Variants in DOCK3 observed in about 807,000 individuals in gnomAD.
The protein encoded by DOCK3 is dedicator of cytokinesis protein 3.
DOCK3 carries 60 observed loss-of-function variants against 265.6 expected under a neutral mutation model. That is an observed-to-expected ratio of 0.23 (90% confidence interval 0.18 to 0.28). The LOEUF is 0.28. Ranked by LOEUF, DOCK3 falls within the 10% of genes least tolerant of loss-of-function variation. The probability of loss-of-function intolerance (pLI) is 1.00; values close to 1 mark genes in which losing one functional copy is unlikely to be tolerated. For synonymous variants in DOCK3, 881 were observed against 938.0 expected (o/e 0.94, Z 1.11); for missense variants, 1,981 against 2,594.3 (o/e 0.76, Z 5.14).
intron 5 of DOCK3, among the ~76,000 whole-genome samples, chr3:51,013,256 C>T (rs1187729570): frequency 1.3e-5 from 2 of 152,180 alleles, no homozygotes; most frequent in East Asian, 1.9e-4. Context: ...TTTAGCCTTT[C>T]TGCTCTGGTT....
chr3:51,372,548 T>A (rs905730278), intron 49 of DOCK3, among the ~76,000 whole-genome samples: 1 of 152,106 alleles, frequency 6.6e-6, no homozygotes, highest in Non-Finnish European at 1.5e-5. Context: ...GGATATTGAG[T>A]ATGCAGATGT....
intron 23 of DOCK3, among the ~76,000 whole-genome samples, chr3:51,261,927 G>A (rs2101056): frequency 0.034 from 5,196 of 152,260 alleles, 701 homozygotes; most frequent in East Asian, 0.32. Context: ...GGGGCTTCTA[G>A]ATCCAACTCC....
chr3:50,991,605 C>T (rs2078107323), intron 5 of DOCK3, among the ~76,000 whole-genome samples: 1 of 152,140 alleles, frequency 6.6e-6, no homozygotes. Flanking sequence ...TATTTGAGAC[C>T]TACAAAGAGA....
chr3:50,866,171 C>G (rs949957213), intron 3 of DOCK3, among the ~76,000 whole-genome samples: 1 of 151,850 alleles, frequency 6.6e-6, no homozygotes, highest in Non-Finnish European at 1.5e-5. Flanking sequence ...TGTTGCCTGT[C>G]CTTTTGGGGC....
chr3:50,786,612 T>A, intron 2 of DOCK3: 1 of 569,878 alleles, frequency 1.8e-6, no homozygotes, highest in Non-Finnish European at 3.3e-6. Flanking sequence ...CAGAAAGTTG[T>A]CCGCACTCTG....
At chr3:51,200,147 C>T (rs550614762) in intron 12 of DOCK3, among the ~76,000 whole-genome samples, 6 of 152,164 alleles carry the variant, frequency 3.9e-5, no homozygotes, top group South Asian at 2.1e-4. Context: ...TTCAAAGGAT[C>T]GCAGTTCCTC....
intron 1 of DOCK3, among the ~76,000 whole-genome samples, chr3:50,716,772 C>T (rs971981138): frequency 4.6e-5 from 7 of 151,628 alleles, no homozygotes; most frequent in Non-Finnish European, 8.8e-5. Context: ...CTAATTCTGA[C>T]TTTTTTTAAA....
At chr3:50,776,644 G>T (rs1204924899) in intron 1 of DOCK3, among the ~76,000 whole-genome samples, 1 of 151,932 alleles carries the variant, frequency 6.6e-6, no homozygotes, top group Non-Finnish European at 1.5e-5. Context: ...GGGATTCTTT[G>T]CTTAAGCCAA....
At chr3:50,912,160 T>TA (rs1438744570) in intron 4 of DOCK3, among the ~76,000 whole-genome samples, 7 of 152,112 alleles carry the variant, frequency 4.6e-5, no homozygotes, top group African/African-American at 1.7e-4. Flanking sequence ...TGCCCTTTAT[T>TA]ACTTTCTCTT....
At chr3:51,351,800 G>T (rs1192602143) in intron 40 of DOCK3, among the ~76,000 whole-genome samples, 1 of 152,128 alleles carries the variant, frequency 6.6e-6, no homozygotes, top group Non-Finnish European at 1.5e-5. Context: ...GGGATTACAG[G>T]CATGCGCCAC....
chr3:50,984,852 A>G (rs1431237398), intron 5 of DOCK3, among the ~76,000 whole-genome samples: 1 of 152,252 alleles, frequency 6.6e-6, no homozygotes, highest in Middle Eastern at 3.2e-3. Flanking sequence ...AACTATTGAC[A>G]TAGCATTTAC....
At chr3:51,156,898 A>G (rs2085875869) in intron 10 of DOCK3, among the ~76,000 whole-genome samples, 1 of 152,194 alleles carries the variant, frequency 6.6e-6, no homozygotes, top group African/African-American at 2.4e-5. Flanking sequence ...TCACTTTGAA[A>G]TGTGTTGAAC....
intron 2 of DOCK3, among the ~76,000 whole-genome samples, chr3:50,838,486 G>C (rs992289161): frequency 7.2e-5 from 11 of 152,178 alleles, no homozygotes; most frequent in African/African-American, 2.7e-4. Flanking sequence ...ACTCTGATGT[G>C]TTCTTCAGTT....
chr3:50,968,334 G>C (rs535673407), intron 5 of DOCK3, among the ~76,000 whole-genome samples: 2 of 152,184 alleles, frequency 1.3e-5, no homozygotes, highest in South Asian at 4.2e-4. Flanking sequence ...GCCTACCTCT[G>C]TTTTTAAAAG....
At chr3:51,176,469 A>AAAT (rs2086959803) in intron 12 of DOCK3, among the ~76,000 whole-genome samples, 1 of 151,816 alleles carries the variant, frequency 6.6e-6, no homozygotes, top group Admixed American at 6.6e-5. Context: ...ATAAAAAAAA[A>AAAT]AAAAAAATTA....
At position 51,152,454 on chromosome 3, in the gene DOCK3, G is replaced by A. The variant is rs148688510; in HGVS notation, c.828+5824G>A. ...GGGTTTGAAGATCCTCCTTTAGCTC[G>A]GAGAAGTTTGTTATTACTGACCTTC... is the stretch of plus-strand genomic sequence containing the variant. On this transcript the variant is annotated intron_variant, in intron 10 of 52. Coordinates refer to ENST00000266037, the MANE Select transcript of DOCK3 (RefSeq NM_004947.5). Among the ~76,000 whole-genome samples the A allele has an allele frequency of 2.6e-3, 388 of 152,150 alleles. 1 individual carries two copies. Among genetic ancestry groups the A allele is most frequent in the Non-Finnish European group, 4.2e-3 (284 of 68,004 alleles).
intron 22 of DOCK3, among the ~76,000 whole-genome samples, chr3:51,257,576 T>C (rs1552072): frequency 0.91 from 138,848 of 152,244 alleles, 63,461 homozygotes; most frequent in African/African-American, 0.96. Flanking sequence ...TCCAAAACAA[T>C]AGCACACTTC....
chr3:51,049,824 C>CAT (rs2080923513), intron 5 of DOCK3, among the ~76,000 whole-genome samples: 1 of 116,944 alleles, frequency 8.6e-6, no homozygotes, highest in Admixed American at 9.7e-5. Context: ...CACACACACA[C>CAT]ACACCCCAAA....
At chr3:50,847,236 T>C (rs2046127225) in intron 3 of DOCK3, among the ~76,000 whole-genome samples, 1 of 152,202 alleles carries the variant, frequency 6.6e-6, no homozygotes. Context: ...TTACCCAACA[T>C]TCATTCAGGA....
Sources: gnomAD v4.1 joint callset for allele counts (sites outside exome capture counted in the v4.1 genomes callset) on GRCh38, gnomAD v4.1.1 for gene constraint, MANE v1.5 for transcripts, NCBI Gene and HGNC (gene_info 2026-07-23, HGNC 2026-07-21) for gene names.